HORMAD2: variants seen among roughly 807,000 people sequenced by gnomAD.
The protein encoded by HORMAD2 is HORMA domain-containing protein 2.
A neutral mutation model predicts 38.8 loss-of-function variants in HORMAD2; 45 were observed. The ratio of observed to expected loss-of-function variants is 1.16; its 90% CI spans 0.91 to 1.49. The LOEUF is 1.49. HORMAD2 is among the 40% of genes most tolerant of loss of function. The pLI is 0.00. For missense variants in HORMAD2, 338 were observed against 367.0 expected (o/e 0.92, Z 0.65); for synonymous variants, 126 against 122.8 (o/e 1.03, Z -0.17).
At chr22:30,178,903 C>T (rs1292609401), downstream of HORMAD2, among the ~76,000 whole-genome samples, 4 of 152,134 alleles carry the variant, frequency 2.6e-5, no homozygotes, top group African/African-American at 7.2e-5. Context: ...TCATGATTGC[C>T]GCCAGCCTTT....
chr22:30,132,400 G>T (rs1326268072), intron 10 of HORMAD2, among the ~76,000 whole-genome samples: 1 of 152,086 alleles, frequency 6.6e-6, no homozygotes, highest in African/African-American at 2.4e-5. Flanking sequence ...TGGCCAACAT[G>T]GTGAAACCCT....
intron 5 of HORMAD2, chr22:30,105,336 TG>T: frequency 6.1e-6 from 1 of 163,772 alleles, no homozygotes. Flanking sequence ...CAGCTGGGCC[TG>T]GGCTTGCTCA....
chr22:30,087,329 C>T (rs2068587682), intron 1 of HORMAD2, among the ~76,000 whole-genome samples: 1 of 152,126 alleles, frequency 6.6e-6, no homozygotes, highest in African/African-American at 2.4e-5. Flanking sequence ...GTGTTGAGAA[C>T]ATCAAGGTGG....
upstream of HORMAD2, among the ~76,000 whole-genome samples, chr22:30,078,619 A>AAC (rs2068416939): frequency 6.7e-6 from 1 of 149,112 alleles, no homozygotes; most frequent in East Asian, 1.9e-4. Context: ...AAAAAAAAAA[A>AAC]AAAAAAAAAA....
chr22:30,109,930 C>T (rs1185958651), intron 5 of HORMAD2, among the ~76,000 whole-genome samples: 3 of 152,112 alleles, frequency 2.0e-5, no homozygotes, highest in South Asian at 2.1e-4. Context: ...GTGTCCCTCT[C>T]GTCTCTAGCA....
chr22:30,087,558 T>A (rs2068592069), intron 1 of HORMAD2, among the ~76,000 whole-genome samples: 1 of 152,096 alleles, frequency 6.6e-6, no homozygotes, highest in Non-Finnish European at 1.5e-5. Flanking sequence ...GGGTAATTTA[T>A]AAAGAAAAGA....
At chr22:30,079,585 A>T (rs2146041362), upstream of HORMAD2, among the ~76,000 whole-genome samples, 1 of 152,124 alleles carries the variant, frequency 6.6e-6, no homozygotes, top group South Asian at 2.1e-4. Flanking sequence ...GGCTCACTGC[A>T]ACCTCAAACT....
intron 4 of HORMAD2, among the ~76,000 whole-genome samples, chr22:30,104,114 C>A (rs1174304086): frequency 6.6e-6 from 1 of 151,954 alleles, no homozygotes; most frequent in African/African-American, 2.4e-5. Flanking sequence ...CTATTATGTA[C>A]CCACACAGAT....
At chr22:30,078,539 G>T (rs8135915), upstream of HORMAD2, among the ~76,000 whole-genome samples, 845 of 143,662 alleles carry the variant, frequency 5.9e-3, 7 homozygotes, top group African/African-American at 0.021. Context: ...CTGGGAGGTG[G>T]AGGTGGCAGC....
chr22:30,093,002 G>T (rs1434735729), intron 1 of HORMAD2, among the ~76,000 whole-genome samples: 10 of 152,008 alleles, frequency 6.6e-5, no homozygotes, highest in African/African-American at 2.4e-4. Context: ...AATTTTAGGA[G>T]TTTTTTTCCG....
intron 3 of HORMAD2, among the ~76,000 whole-genome samples, chr22:30,102,948 A>G (rs1920963163): frequency 1.3e-5 from 2 of 152,140 alleles, no homozygotes; most frequent in Non-Finnish European, 2.9e-5. Flanking sequence ...AACTCTTAAT[A>G]TGATATTCCT....
chr22:30,114,082 A>G (rs1921862770), intron 7 of HORMAD2, among the ~76,000 whole-genome samples: 1 of 152,162 alleles, frequency 6.6e-6, no homozygotes, highest in Non-Finnish European at 1.5e-5. Context: ...GGGGTAGTGA[A>G]ATGCTAAGCA....
chr22:30,157,473 A>C (rs1472461755), intron 10 of HORMAD2, among the ~76,000 whole-genome samples: 1 of 151,722 alleles, frequency 6.6e-6, no homozygotes, highest in Non-Finnish European at 1.5e-5. Flanking sequence ...CAGTGATGGA[A>C]ACTTGCAAGT....
At chr22:30,142,091 A>G (rs1329843339) in intron 10 of HORMAD2, among the ~76,000 whole-genome samples, 1 of 152,028 alleles carries the variant, frequency 6.6e-6, no homozygotes, top group East Asian at 1.9e-4. Context: ...CTCTACAAAA[A>G]AACAACAAAA....
At chr22:30,170,277 A>T (rs1926028981) in intron 10 of HORMAD2, among the ~76,000 whole-genome samples, 1 of 152,186 alleles carries the variant, frequency 6.6e-6, no homozygotes, top group Non-Finnish European at 1.5e-5. Context: ...CACCCCAGGC[A>T]CACAACTCAC....
chr22:30,096,260 A>T (rs1023327679), intron 2 of HORMAD2, among the ~76,000 whole-genome samples: 1 of 152,170 alleles, frequency 6.6e-6, no homozygotes, highest in African/African-American at 2.4e-5. Flanking sequence ...TTCATGTCCT[A>T]TAGTGAACAT....
At chr22:30,162,712 T>TC (rs1925525372) in intron 10 of HORMAD2, among the ~76,000 whole-genome samples, 1 of 149,442 alleles carries the variant, frequency 6.7e-6, no homozygotes, top group Non-Finnish European at 1.5e-5. Context: ...TTTTTTTTTT[T>TC]TTTTTTTTGA....
chr22:30,206,690 C>T, the HORMAD2 span, among the ~76,000 whole-genome samples: 13 of 152,068 alleles, frequency 8.5e-5, no homozygotes, highest in Non-Finnish European at 1.6e-4. Flanking sequence ...CTATGTTGCC[C>T]AGGCTGGTCT....
At chr22:30,207,413 A>G in the HORMAD2 span, among the ~76,000 whole-genome samples, 1 of 152,186 alleles carries the variant, frequency 6.6e-6, no homozygotes, top group Non-Finnish European at 1.5e-5. Context: ...CTCTTAAAAG[A>G]AAGAGTGTTT....
Sources: allele counts gnomAD v4.1 joint callset (sites outside exome capture counted in the v4.1 genomes callset), GRCh38; gene constraint gnomAD v4.1.1; transcripts MANE v1.5; gene names NCBI Gene and HGNC (gene_info 2026-07-23, HGNC 2026-07-21).